The following NDUFB6 variants were observed in gnomAD, a reference collection of about 807,000 sequenced individuals.
The protein encoded by NDUFB6 is NADH:ubiquinone oxidoreductase subunit B6.
In NDUFB6, 23 loss-of-function variants were observed where a neutral mutation model predicts 17.5. That is an observed-to-expected ratio of 1.31 (90% CI 0.94 to 1.86). The LOEUF is 1.86. Among genes scored for constraint, NDUFB6 ranks in the 40% most tolerant of loss-of-function variants. The pLI, the probability that NDUFB6 is intolerant of heterozygous loss-of-function variation, is 0.00. For synonymous variants in NDUFB6, 60 were observed against 53.5 expected, an observed-to-expected ratio of 1.12 and a Z score of -0.53; for missense variants, 167 against 153.8, an observed-to-expected ratio of 1.09 and a Z score of -0.46.
At chr9:32,560,313 A>C (rs1380537786) in intron 2 of NDUFB6, among the ~76,000 whole-genome samples, 2 of 152,204 alleles carry the variant, frequency 1.3e-5, no homozygotes, top group African/African-American at 4.8e-5. Context: ...GAACCCTCAG[A>C]TAAGCAACCA....
chr9:32,558,094 T>C (rs1433586556), intron 3 of NDUFB6, among the ~76,000 whole-genome samples: 5 of 151,440 alleles, frequency 3.3e-5, no homozygotes, highest in African/African-American at 9.7e-5. Flanking sequence ...ATTAGTACTA[T>C]AGCTCACACA....
At chr9:32,571,781 A>T (rs529274469) in intron 1 of NDUFB6, among the ~76,000 whole-genome samples, 60 of 152,226 alleles carry the variant, frequency 3.9e-4, no homozygotes, top group Non-Finnish European at 1.2e-4. Flanking sequence ...TTGCTGATGG[A>T]TGGGATGTCA....
chr9:32,572,713 T>G (rs1199538687), intron 1 of NDUFB6, among the ~76,000 whole-genome samples, 168 bp downstream of exon 1: 1 of 152,158 alleles, frequency 6.6e-6, no homozygotes, highest in African/African-American at 2.4e-5. Context: ...TACATATTCC[T>G]GGACTCCTGC....
chr9:32,560,409 G>T (rs866530986), intron 2 of NDUFB6, among the ~76,000 whole-genome samples: 3 of 152,152 alleles, frequency 2.0e-5, no homozygotes, highest in African/African-American at 7.2e-5. Flanking sequence ...CCAGAAAAAT[G>T]TAGTTAAATT....
intron 2 of NDUFB6, chr9:32,567,137 C>T (rs746502676): frequency 1.0e-5 from 5 of 478,690 alleles, no homozygotes; most frequent in Non-Finnish European, 2.2e-5. Flanking sequence ...TGCAGATGTA[C>T]TCAACGCCTC....
At chr9:32,570,458 C>T (rs1398034897) in intron 2 of NDUFB6, among the ~76,000 whole-genome samples, 1 of 152,164 alleles carries the variant, frequency 6.6e-6, no homozygotes, top group African/African-American at 2.4e-5. Flanking sequence ...CCACAACTGG[C>T]TCAGTTCCAT....
rs147058026 is a variant in NDUFB6, at chr9:32,555,128, T to C, written c.319-1184A>G. On this transcript the variant is annotated intron_variant, in intron 3 of 3. Transcript: ENST00000379847. ...AAAAAAGTTAATAGAATCTAAAAAT[T>C]TGGGCCAGTCATGGTGGCTCATGCC... Among the ~76,000 whole-genome samples, 728 of 152,216 alleles carry C rather than the reference T, an allele frequency of 4.8e-3. 5 individuals are homozygous for C. The highest frequency in any genetic ancestry group is 0.017 in the African/African-American group (691 of 41,532).
At chr9:32,567,080 G>A (rs1357805862) in intron 2 of NDUFB6, 4 of 488,060 alleles carry the variant, frequency 8.2e-6, no homozygotes, top group Admixed American at 4.6e-5. Flanking sequence ...AAACTTCCTC[G>A]GGCTGCACAG....
chr9:32,569,552 C>T (rs1402102941), intron 2 of NDUFB6, among the ~76,000 whole-genome samples: 1 of 151,980 alleles, frequency 6.6e-6, no homozygotes, highest in Non-Finnish European at 1.5e-5. Flanking sequence ...ATCAACCTGG[C>T]ACCTAGGCCA....
chr9:32,559,129 C>A (rs769937880), intron 2 of NDUFB6, among the ~76,000 whole-genome samples, 175 bp from the exon 3 acceptor site: 15 of 152,192 alleles, frequency 9.9e-5, no homozygotes, highest in Admixed American at 3.3e-4. Context: ...GCATCTCAAA[C>A]TTAACCAGGT....
At chr9:32,563,183 G>A (rs61091479) in intron 2 of NDUFB6, among the ~76,000 whole-genome samples, 6,199 of 152,110 alleles carry the variant, frequency 0.041, 437 homozygotes, top group African/African-American at 0.14. Flanking sequence ...ATTTCAGTTT[G>A]CCCCATTATC....
chr9:32,568,187 T>C (rs1048175878), intron 2 of NDUFB6: 2 of 168,192 alleles, frequency 1.2e-5, no homozygotes, highest in African/African-American at 4.8e-5. Flanking sequence ...AGTATCAACA[T>C]GAACAAGAGT....
chr9:32,553,515 C>A lies in NDUFB6; in HGVS notation c.*361G>T. 4.7e-6 allele frequency: 1 copy of A among 212,822 alleles called. No individual in the cohort carries two copies. The highest frequency in any genetic ancestry group is 6.3e-5 in the South Asian group (1 of 15,842). 13.2% of individuals were successfully genotyped at this position (212,822 alleles called of 1,614,324 possible). A position where few individuals can be genotyped will look rare whatever the true frequency, so the allele number is the denominator to read the frequency against. ...GAAAGATTTCCTTAAAACAAAAGTGCATGGAATTGCTGTTCTTACATTTGT... is the reference window on the plus strand; with the variant it reads ...GAAAGATTTCCTTAAAACAAAAGTGAATGGAATTGCTGTTCTTACATTTGT... On this transcript the variant is annotated 3_prime_UTR_variant, in exon 4 of 4. Coordinates refer to ENST00000379847, the MANE Select transcript of NDUFB6 (RefSeq NM_002493.5).
intron 2 of NDUFB6, among the ~76,000 whole-genome samples, chr9:32,565,954 G>A (rs1162560693): frequency 5.3e-5 from 8 of 151,724 alleles, no homozygotes; most frequent in Non-Finnish European, 1.2e-4. Context: ...CCTGGGCAAC[G>A]AAAGTGAAAC....
chr9:32,565,725 A>G (rs1821764207), intron 2 of NDUFB6: 1 of 153,966 alleles, frequency 6.5e-6, no homozygotes, highest in East Asian at 1.9e-4. Flanking sequence ...TAATCCCAGC[A>G]CTTTGGTAGG....
rs905484250 is a variant in NDUFB6, at chr9:32,553,819, T to A, written c.*57A>T. ...TTACTTTTCCAGAAAATTCAGTAAA[T>A]ATGGTAATATAGGAACAAACTTAGG... On this transcript the variant is annotated 3_prime_UTR_variant, in exon 4 of 4. Transcript: ENST00000379847. 8 of 1,108,236 alleles carry A rather than the reference T, an allele frequency of 7.2e-6. No homozygotes were observed. In the African/African-American group the frequency reaches 1.3e-4, roughly 18 times the overall value. The allele number at this position is 1,108,236 out of a possible 1,614,324, so 68.7% of individuals were successfully genotyped here. A position where few individuals can be genotyped will look rare whatever the true frequency, so the allele number is the denominator to read the frequency against.
At chr9:32,556,366 C>A (rs530408030) in intron 3 of NDUFB6, among the ~76,000 whole-genome samples, 1 of 152,234 alleles carries the variant, frequency 6.6e-6, no homozygotes, top group East Asian at 1.9e-4. Flanking sequence ...GACATCCTGC[C>A]GTATCTTTGT....
Position 32,553,728 on chromosome 9 carries a change from TCA to T in NDUFB6, c.*146_*147del, listed in dbSNP as rs1491210434. 6 of 593,754 alleles carry T rather than the reference TCA, an allele frequency of 1.0e-5. No homozygotes were observed. Among genetic ancestry groups the T allele is most frequent in the African/African-American group, 5.7e-5 (3 of 52,580 alleles). The allele number at this position is 593,754 out of a possible 1,614,324, so 36.8% of individuals were successfully genotyped here. On this transcript the variant is annotated 3_prime_UTR_variant, in exon 4 of 4. Coordinates refer to ENST00000379847, the MANE Select transcript of NDUFB6 (RefSeq NM_002493.5). ...CACTTTTTACTTATTGTTAAATTAC[TCA>T]GTCTCAAATTGTACAATGCTTGAAA...
chr9:32,554,609 C>T (rs919244575), intron 3 of NDUFB6, among the ~76,000 whole-genome samples: 1 of 152,166 alleles, frequency 6.6e-6, no homozygotes, highest in African/African-American at 2.4e-5. Flanking sequence ...TGTCCCCATA[C>T]CCACCCCAAT....
Sources: allele counts gnomAD v4.1 joint callset (sites outside exome capture counted in the v4.1 genomes callset), GRCh38; gene constraint gnomAD v4.1.1; transcripts MANE v1.5; gene names NCBI Gene and HGNC (gene_info 2026-07-23, HGNC 2026-07-21).